Variants in BIRC6 observed in about 807,000 individuals in gnomAD.
BIRC6 encodes baculoviral IAP repeat containing 6, also known as dual E2 ubiquitin-conjugating enzyme/E3 ubiquitin-protein ligase BIRC6.
BIRC6 carries 98 observed loss-of-function variants against 503.3 expected under a neutral mutation model. The ratio of observed to expected loss-of-function variants is 0.19; its 90% CI spans 0.17 to 0.23. The LOEUF (loss-of-function observed/expected upper bound fraction) is 0.23, where lower values mean the gene tolerates loss of function less well. Among genes scored for constraint, BIRC6 ranks in the 10% least tolerant of loss-of-function variants. The pLI is 1.00. For synonymous variants in BIRC6, 2,240 were observed against 2,078.7 expected (o/e 1.08, Z -2.11); for missense variants, 5,360 against 5,806.0 (o/e 0.92, Z 2.50).
intron 73 of BIRC6, among the ~76,000 whole-genome samples, chr2:32,614,887 A>G (rs1362588416): frequency 6.6e-6 from 1 of 152,282 alleles, no homozygotes; most frequent in African/African-American, 2.4e-5. Flanking sequence ...ATAAAATCAT[A>G]GTATCCCTGT....
At chr2:32,479,792 A>G (rs967245166) in intron 37 of BIRC6, among the ~76,000 whole-genome samples, 175 bp downstream of exon 37, 4 of 152,236 alleles carry the variant, frequency 2.6e-5, no homozygotes, top group African/African-American at 9.6e-5. Context: ...TCTCATTACA[A>G]CAAAATGCTA....
chr2:32,606,470 A>G (rs753855414), intron 71 of BIRC6, among the ~76,000 whole-genome samples: 34 of 152,060 alleles, frequency 2.2e-4, no homozygotes, highest in Non-Finnish European at 4.6e-4. Flanking sequence ...ATGCACGCCT[A>G]TAGTCCTAGC....
chr2:32,473,062 T>TA (rs757236445), intron 32 of BIRC6, 50 bp from the exon 33 acceptor site: 5 of 1,475,846 alleles, frequency 3.4e-6, no homozygotes, highest in Admixed American at 2.6e-5. Flanking sequence ...AAAGGTACTT[T>TA]AAAATCACAT....
chr2:32,357,299 G>C lies in BIRC6; in HGVS notation c.138G>C (p.Gly46=). 6.6e-7 allele frequency: 1 copy of C among 1,526,642 alleles called. No homozygotes were observed. Among genetic ancestry groups the C allele is most frequent in the Non-Finnish European group, 8.8e-7 (1 of 1,139,982 alleles). The allele number at this position is 1,526,642 out of a possible 1,614,324, so 94.6% of individuals were successfully genotyped here. The change falls in exon 1 of 74, where the codon GGG becomes GGC. Residue 46 remains glycine, a synonymous_variant. Coordinates refer to ENST00000421745, the MANE Select transcript of BIRC6 (RefSeq NM_016252.4). This position sits in a 1 kb window ranked among gnomAD's most constrained non-coding sequence, Gnocchi z 4.9. ...GCCCCGGCTGCTCCTCGGCGGCGGGGGCGGGGGCGGCCGGGGTCTCAGAGT... is the reference window on the plus strand; with the variant it reads ...GCCCCGGCTGCTCCTCGGCGGCGGGCGCGGGGGCGGCCGGGGTCTCAGAGT... ...ASGPGCSSAA[G]AGAAGVSEWL...
chr2:32,388,287 C>T (rs979268613), intron 3 of BIRC6, among the ~76,000 whole-genome samples: 2 of 149,952 alleles, frequency 1.3e-5, no homozygotes, highest in African/African-American at 4.9e-5. Context: ...GAGGCTGAGG[C>T]AGGAGAATCA....
At chr2:32,589,454 C>G (rs1251302309) in intron 66 of BIRC6, among the ~76,000 whole-genome samples, 1 of 152,108 alleles carries the variant, frequency 6.6e-6, no homozygotes, top group African/African-American at 2.4e-5. Context: ...ATTTTAACCC[C>G]CATAAGCTGG....
In BIRC6 at chr2:32,448,770, G is replaced by A. The variant is rs895563458; in HGVS notation, c.4485-25G>A. 1.9e-6 allele frequency: 3 copies of A among 1,584,530 alleles called. No individual in the cohort carries two copies. In the African/African-American group the frequency reaches 4.1e-5, roughly 22 times the overall value. Reference sequence around the variant, plus strand: ...TAATTAGATGGCTGAAAGGAAAATTGTTAGTGCATTATTTTATTTTTCAGA... The same window carrying A: ...TAATTAGATGGCTGAAAGGAAAATTATTAGTGCATTATTTTATTTTTCAGA... On this transcript the variant is annotated intron_variant, in intron 21 of 73. Transcript: ENST00000421745.
At chr2:32,533,120 T>C (rs533260882) in intron 61 of BIRC6, among the ~76,000 whole-genome samples, 8 of 152,316 alleles carry the variant, frequency 5.3e-5, no homozygotes, top group Admixed American at 3.9e-4. Flanking sequence ...TGAATTGTCA[T>C]AAGCAGACTT....
chr2:32,529,792 CAG>C lies in BIRC6; in HGVS notation c.12064_12065del (p.Asp4022PhefsTer3). ...ATAACAGACCCCAGTCTATCAAAAA[CAG>C]ATTCTTATAAAAGACTACACCCTGA... On this transcript the variant is annotated frameshift_variant, in exon 60 of 74. Transcript: ENST00000421745. LOFTEE classifies it high-confidence loss of function. 6.2e-7 allele frequency: 1 copy of C among 1,611,928 alleles called. No individual in the cohort carries two copies. Among genetic ancestry groups the C allele is most frequent in the Non-Finnish European group, 8.5e-7 (1 of 1,178,934 alleles).
chr2:32,443,680 A>G (rs1256509451), intron 20 of BIRC6, 92 bp downstream of exon 20: 4 of 1,009,494 alleles, frequency 4.0e-6, no homozygotes, highest in Non-Finnish European at 5.7e-6. Context: ...CTTTTTCTCT[A>G]TTAAAGTTCA....
rs148364840 is a variant in BIRC6, at chr2:32,499,732, G to A, written c.8654G>A (p.Ser2885Asn). The change falls in exon 46 of 74, where the codon AGC becomes AAC. Residue 2885 changes from serine (S) to asparagine (N), a missense_variant. Ser to Asn is a conservative substitution (Grantham distance 46). Coordinates refer to ENST00000421745, the MANE Select transcript of BIRC6 (RefSeq NM_016252.4). ...GTAATGTCAAGAAGTGGATCAGATA[G>A]CTCCGTGGGTGCTCGAGCATGCTTT... ...DKVMSRSGSDSSVGARACFGG... is the reference protein window; with the variant it reads ...DKVMSRSGSDNSVGARACFGG... 10 of 1,614,024 alleles carry A rather than the reference G, an allele frequency of 6.2e-6. No individual in the cohort carries two copies. In the African/African-American group the frequency reaches 1.2e-4, roughly 19 times the overall value.
intron 10 of BIRC6, among the ~76,000 whole-genome samples, chr2:32,421,848 C>T (rs1439357424): frequency 6.6e-6 from 1 of 152,176 alleles, no homozygotes; most frequent in Non-Finnish European, 1.5e-5. Flanking sequence ...CACTTGTATA[C>T]GTGTATGTTT....
rs758673329 is a variant in BIRC6 at position 32,509,752 on chromosome 2, G to A, written c.9995G>A (p.Arg3332Gln). 1.9e-6 allele frequency: 3 copies of A among 1,613,904 alleles called. No individual in the cohort carries two copies. The highest frequency in any genetic ancestry group is 1.7e-6 in the Non-Finnish European group (2 of 1,179,870). ...TGTATTTTCAGTATTGGATGGTTAC[G>A]GTTATTACATCATTGCCTTACTCAC... The part of the protein sequence containing the change: ...QVSKTSIGWL[R>Q]LLHHCLTHIS... Residue 3332 changes from arginine (R) to glutamine (Q), a missense_variant, in exon 52 of 74, where the codon CGG becomes CAG. Physicochemically the swap from Arg to Gln is conservative, Grantham distance 43. This residue lies in a region of BIRC6 where 62 missense variants were observed against 107.4 expected (regional missense o/e 0.58). Transcript: ENST00000421745.
In BIRC6 at chr2:32,501,762, G is replaced by A. The variant is rs1482230166; in HGVS notation, c.9081G>A (p.Leu3027=). The A allele has an allele frequency of 6.2e-7, 1 of 1,613,548 alleles. No homozygotes were observed. The highest frequency in any genetic ancestry group is 8.5e-7 in the Non-Finnish European group (1 of 1,179,778). The change falls in exon 47 of 74, where the codon TTG becomes TTA. Residue 3027 remains leucine, a synonymous_variant. Transcript: ENST00000421745. Reference sequence around the variant, plus strand: ...AACATGAAAACTTTCATGGTGGGTTGGATGCCATATCAGTTGGGGATGGAT... The same window carrying A: ...AACATGAAAACTTTCATGGTGGGTTAGATGCCATATCAGTTGGGGATGGAT... ...LTKHENFHGG[L]DAISVGDGLF...
chr2:32,435,995 T>G, intron 14 of BIRC6, 58 bp from the exon 15 acceptor site: 1 of 1,070,046 alleles, frequency 9.3e-7, no homozygotes, highest in Non-Finnish European at 1.3e-6. Context: ...ATTTGCTTAT[T>G]AAATATTACA....
At chr2:32,367,354 C>T (rs528372293) in intron 1 of BIRC6, among the ~76,000 whole-genome samples, 41 of 151,588 alleles carry the variant, frequency 2.7e-4, no homozygotes, top group Admixed American at 9.9e-4. Flanking sequence ...CCCAGCTATT[C>T]GGGAGGCTGA....
In BIRC6 at chr2:32,545,987, A is replaced by T. The variant is rs79653581; in HGVS notation, c.12810+127A>T. 3,539 of 849,864 alleles carry T rather than the reference A, an allele frequency of 4.2e-3. 75 individuals carry two copies. The African/African-American group carries it at 0.056, about 13-fold the overall frequency. The allele number at this position is 849,864 out of a possible 1,614,324, so 52.6% of individuals were successfully genotyped here. A position where few individuals can be genotyped will look rare whatever the true frequency, so the allele number is the denominator to read the frequency against. Reference sequence around the variant, plus strand: ...GTTCCATTTTCACATCTAAAAGGATATTTAAAACAGAAATTGTAAATTAAT... The same window carrying T: ...GTTCCATTTTCACATCTAAAAGGATTTTTAAAACAGAAATTGTAAATTAAT... On this transcript the variant is annotated intron_variant, in intron 63 of 73. Transcript: ENST00000421745.
intron 1 of BIRC6, among the ~76,000 whole-genome samples, chr2:32,364,147 A>G (rs2034532111): frequency 6.6e-6 from 1 of 152,248 alleles, no homozygotes; most frequent in Non-Finnish European, 1.5e-5. Flanking sequence ...ATCAATGGAT[A>G]TGGCAGTATA....
At chr2:32,456,512 C>G (rs1268558657) in intron 23 of BIRC6, among the ~76,000 whole-genome samples, 1 of 152,152 alleles carries the variant, frequency 6.6e-6, no homozygotes, top group East Asian at 1.9e-4. Flanking sequence ...GAAGTTGATT[C>G]ACTGCTTCAT....
Sources: allele counts gnomAD v4.1 joint callset (sites outside exome capture counted in the v4.1 genomes callset), GRCh38; gene constraint gnomAD v4.1.1; regional missense constraint gnomAD v4.1.1; non-coding constraint Gnocchi (gnomAD v3.1); transcripts MANE v1.5; gene names NCBI Gene and HGNC (gene_info 2026-07-23, HGNC 2026-07-21).